ZNF385D: variants seen among roughly 807,000 people sequenced by gnomAD.
The protein encoded by ZNF385D is zinc finger protein 385D.
A neutral mutation model predicts 35.8 loss-of-function variants in ZNF385D; 15 were observed. The observed-to-expected ratio is 0.42, with a 90% CI of 0.28 to 0.64. The LOEUF (loss-of-function observed/expected upper bound fraction) is 0.64. Among genes scored for constraint, ZNF385D ranks in the 30% least tolerant of loss-of-function variants. The pLI is 0.23. For synonymous variants in ZNF385D, 212 were observed against 186.8 expected (o/e 1.13, Z -1.10); for missense variants, 474 against 494.6 (o/e 0.96, Z 0.39).
chr3:21,592,001 C>T (rs17009099), intron 2 of ZNF385D, among the ~76,000 whole-genome samples: 3,393 of 152,222 alleles, frequency 0.022, 69 homozygotes, highest in African/African-American at 0.053. Context: ...ACCCAATACT[C>T]CCGTTACTAG....
chr3:22,164,216 CTTTTTTTTTTTT>C (rs571978176), intron 3 of ZNF385D, among the ~76,000 whole-genome samples: 2,631 of 74,966 alleles, frequency 0.035, 84 homozygotes, highest in African/African-American at 0.12. Flanking sequence ...AAAAGGAGCA[CTTTTTTTTTTTT>C]TTTTTTTTTT....
At position 21,591,622 on chromosome 3, in the gene ZNF385D, G is replaced by A. The variant is rs115392951; in HGVS notation, c.166-26938C>T. Among the ~76,000 whole-genome samples the A allele has an allele frequency of 6.2e-3, 950 of 152,194 alleles. 12 individuals are homozygous for A. Among genetic ancestry groups the A allele is most frequent in the African/African-American group, 0.022 (900 of 41,536 alleles). On this transcript the variant is annotated intron_variant, in intron 2 of 7. Transcript: ENST00000281523. ...GTCCTCACAAAGAGGAAACCCACATGCAATACATTTAGTATGTATTAACCT... is the reference window on the plus strand; with the variant it reads ...GTCCTCACAAAGAGGAAACCCACATACAATACATTTAGTATGTATTAACCT...
intron 3 of ZNF385D, among the ~76,000 whole-genome samples, chr3:21,955,239 G>A (rs1178490979): frequency 6.6e-6 from 1 of 152,098 alleles, no homozygotes; most frequent in Admixed American, 6.6e-5. Flanking sequence ...CTTCTTGCTG[G>A]CTCTGTTCTT....
chr3:22,210,789 C>A (rs893743766), intron 2 of ZNF385D, among the ~76,000 whole-genome samples: 1 of 151,604 alleles, frequency 6.6e-6, no homozygotes, highest in Non-Finnish European at 1.5e-5. Context: ...GAGCTTGTTC[C>A]CTCACCACTC....
chr3:22,337,474 C>A (rs756308801), intron 2 of ZNF385D, among the ~76,000 whole-genome samples: 27 of 152,176 alleles, frequency 1.8e-4, no homozygotes, highest in Non-Finnish European at 3.5e-4. Flanking sequence ...GCGGAGGTTG[C>A]AGTGACCCGA....
chr3:22,174,746 A>G (rs1694703270), intron 2 of ZNF385D, among the ~76,000 whole-genome samples: 1 of 152,140 alleles, frequency 6.6e-6, no homozygotes, highest in South Asian at 2.1e-4. Context: ...ACACTGAAAT[A>G]CAACTAGTCA....
chr3:22,310,636 TAGAA>T (rs1268470759), intron 2 of ZNF385D, among the ~76,000 whole-genome samples: 2 of 151,950 alleles, frequency 1.3e-5, no homozygotes, highest in African/African-American at 2.4e-5. Flanking sequence ...GTTGCTTTCT[TAGAA>T]AGAGAAGTAA....
In ZNF385D at chr3:21,535,494, C is replaced by T. The variant is rs1366317959; in HGVS notation, c.277-24471G>A. ...AGAGTTAAAGCAACAGAAAAATGTACATCTCTATCTGCTCCTGTTTTGTTA... is the reference window on the plus strand; with the variant it reads ...AGAGTTAAAGCAACAGAAAAATGTATATCTCTATCTGCTCCTGTTTTGTTA... On this transcript the variant is annotated intron_variant, in intron 3 of 7. Coordinates refer to ENST00000281523, the MANE Select transcript of ZNF385D (RefSeq NM_024697.3). Among the ~76,000 whole-genome samples, 3 of 152,094 alleles carry T rather than the reference C, an allele frequency of 2.0e-5. No individual in the cohort carries two copies. The East Asian group carries it at 5.8e-4, about 29-fold the overall frequency.
At chr3:21,981,241 C>T (rs1241224171) in intron 3 of ZNF385D, among the ~76,000 whole-genome samples, 2 of 152,132 alleles carry the variant, frequency 1.3e-5, no homozygotes, top group Admixed American at 1.3e-4. Flanking sequence ...TACTTTTTCA[C>T]TTTTTAATAA....
intron 3 of ZNF385D, among the ~76,000 whole-genome samples, chr3:21,921,677 T>C (rs1210050090): frequency 9.5e-6 from 1 of 105,420 alleles, no homozygotes; most frequent in Admixed American, 8.4e-5. Flanking sequence ...AGAATATATG[T>C]CTTCAAAAGA....
intron 3 of ZNF385D, among the ~76,000 whole-genome samples, chr3:21,848,547 A>G: frequency 6.6e-6 from 1 of 152,014 alleles, no homozygotes; most frequent in Admixed American, 6.6e-5. Flanking sequence ...AGAAGTAAAA[A>G]GGAGACATTA....
intron 4 of ZNF385D, among the ~76,000 whole-genome samples, chr3:21,508,890 C>T (rs190667401): frequency 2.0e-4 from 30 of 151,918 alleles, no homozygotes; most frequent in African/African-American, 6.5e-4. Flanking sequence ...TCTAGGTTGA[C>T]GTATTCTAGT....
chr3:21,839,195 G>C (rs764060165), intron 3 of ZNF385D, among the ~76,000 whole-genome samples: 8 of 152,000 alleles, frequency 5.3e-5, no homozygotes, highest in Non-Finnish European at 1.0e-4. Context: ...CTGAAAACTA[G>C]TCACTTCCAT....
chr3:22,313,702 C>G (rs1046564184), intron 2 of ZNF385D, among the ~76,000 whole-genome samples: 1 of 152,082 alleles, frequency 6.6e-6, no homozygotes, highest in Non-Finnish European at 1.5e-5. Flanking sequence ...AAAGATAGGG[C>G]AGAGTCAGAA....
intron 3 of ZNF385D, among the ~76,000 whole-genome samples, chr3:21,868,846 T>C (rs1697527840): frequency 6.6e-6 from 1 of 152,130 alleles, no homozygotes; most frequent in Non-Finnish European, 1.5e-5. Context: ...CTTATTGCAT[T>C]GTGGACATGT....
At chr3:21,572,801 T>C (rs2063373472) in intron 2 of ZNF385D, among the ~76,000 whole-genome samples, 1 of 152,110 alleles carries the variant, frequency 6.6e-6, no homozygotes, top group East Asian at 1.9e-4. Flanking sequence ...CAGGGAAAGA[T>C]AAATAAATTC....
chr3:22,188,037 C>A (rs1695756337), intron 2 of ZNF385D, among the ~76,000 whole-genome samples: 1 of 152,156 alleles, frequency 6.6e-6, no homozygotes, highest in African/African-American at 2.4e-5. Context: ...AGTCAATAAC[C>A]TAAACTTCAC....
chr3:22,259,506 C>T (rs978366416), intron 2 of ZNF385D, among the ~76,000 whole-genome samples: 1 of 151,974 alleles, frequency 6.6e-6, no homozygotes, highest in African/African-American at 2.4e-5. Context: ...AAGTCAAACA[C>T]TCATACAGCA....
intron 3 of ZNF385D, among the ~76,000 whole-genome samples, chr3:21,970,009 G>A (rs1017115321): frequency 3.9e-5 from 6 of 152,172 alleles, no homozygotes; most frequent in African/African-American, 1.4e-4. Context: ...GAGCTTGGGT[G>A]TCCCCTAAGG....
Sources: allele counts gnomAD v4.1 joint callset (sites outside exome capture counted in the v4.1 genomes callset), GRCh38; gene constraint gnomAD v4.1.1; transcripts MANE v1.5; gene names NCBI Gene and HGNC (gene_info 2026-07-23, HGNC 2026-07-21).